DGKI: variants seen among roughly 807,000 people sequenced by gnomAD.
DGKI encodes the protein diacylglycerol kinase iota.
Under a neutral mutation model 147.5 loss-of-function variants are expected in DGKI, and 55 were observed. The observed-to-expected ratio is 0.37, with a 90% CI of 0.30 to 0.47. DGKI has a LOEUF of 0.47. DGKI is among the 20% of genes least tolerant of loss of function. DGKI has a pLI of 1.00. For synonymous variants in DGKI, 469 were observed against 477.1 expected (o/e 0.98, Z 0.22); for missense variants, 1,007 against 1,323.8 (o/e 0.76, Z 3.71).
chr7:137,771,327 G>A (rs1218535543), intron 1 of DGKI, among the ~76,000 whole-genome samples: 3 of 152,154 alleles, frequency 2.0e-5, no homozygotes, highest in African/African-American at 7.2e-5. Context: ...CGGACCTCAG[G>A]TGATCCACCC....
At chr7:137,733,064 ATTT>A (rs551938153) in intron 1 of DGKI, among the ~76,000 whole-genome samples, 18 of 147,966 alleles carry the variant, frequency 1.2e-4, no homozygotes, top group African/African-American at 4.4e-4. Context: ...AACCTTTGAA[ATTT>A]TTTTTTTTTG....
chr7:137,742,187 T>C (rs1169101386), intron 1 of DGKI, among the ~76,000 whole-genome samples: 4 of 152,198 alleles, frequency 2.6e-5, no homozygotes, highest in Admixed American at 1.3e-4. Context: ...AAGGCATTTC[T>C]TTGGCTCAGA....
At chr7:137,463,452 G>A (rs1197292088) in intron 27 of DGKI, 37 bp downstream of exon 27, 1 of 1,609,980 alleles carries the variant, frequency 6.2e-7, no homozygotes, top group South Asian at 1.1e-5. Flanking sequence ...AGCAATCACA[G>A]TGGCACAGAG....
intron 30 of DGKI, among the ~76,000 whole-genome samples, chr7:137,399,033 T>C (rs1811654990): frequency 6.8e-6 from 1 of 146,472 alleles, no homozygotes; most frequent in Admixed American, 7.1e-5. Context: ...GCTAAAGTGG[T>C]AATTGCACAC....
intron 30 of DGKI, 51 bp downstream of exon 30, chr7:137,407,824 A>G (rs973294145): frequency 6.3e-7 from 1 of 1,598,434 alleles, no homozygotes; most frequent in Non-Finnish European, 8.5e-7. Flanking sequence ...TGCAAAATGC[A>G]ATGGATTTCA....
intron 21 of DGKI, among the ~76,000 whole-genome samples, chr7:137,500,403 T>C (rs1302238408): frequency 6.6e-6 from 1 of 152,196 alleles, no homozygotes; most frequent in Non-Finnish European, 1.5e-5. Flanking sequence ...TCTTCTATAC[T>C]TGAAGTTAGA....
At chr7:137,635,905 T>A (rs1318390307) in intron 6 of DGKI, among the ~76,000 whole-genome samples, 2 of 152,148 alleles carry the variant, frequency 1.3e-5, no homozygotes, top group African/African-American at 4.8e-5. Flanking sequence ...AGGGTCTAAA[T>A]CCCATGACGG....
intron 2 of DGKI, among the ~76,000 whole-genome samples, chr7:137,683,840 G>C (rs1269683822): frequency 2.6e-5 from 2 of 76,408 alleles, no homozygotes; most frequent in African/African-American, 7.2e-5. Context: ...ATTCATCTAA[G>C]AGTGGAGATT....
At chr7:137,472,065 CAT>C (rs1226410406) in intron 23 of DGKI, among the ~76,000 whole-genome samples, 14 of 125,416 alleles carry the variant, frequency 1.1e-4, no homozygotes, top group East Asian at 2.3e-4. Context: ...TATATACATA[CAT>C]ATATATTATG....
At chr7:137,527,534 C>T (rs1817193965) in intron 20 of DGKI, among the ~76,000 whole-genome samples, 1 of 152,140 alleles carries the variant, frequency 6.6e-6, no homozygotes, top group Non-Finnish European at 1.5e-5. Context: ...TAAATCTTAA[C>T]TCATGTTGAG....
chr7:137,745,150 G>A (rs777449810), intron 1 of DGKI, among the ~76,000 whole-genome samples: 11 of 152,084 alleles, frequency 7.2e-5, no homozygotes, highest in East Asian at 3.8e-4. Context: ...AAAAACATCC[G>A]TTTGTGGGTT....
At chr7:137,681,669 A>G (rs1823240177) in intron 2 of DGKI, among the ~76,000 whole-genome samples, 2 of 152,290 alleles carry the variant, frequency 1.3e-5, no homozygotes, top group Non-Finnish European at 1.5e-5. Flanking sequence ...ACAGCAGCCA[A>G]TATGAGGGAA....
At chr7:137,554,150 G>A (rs1818142975) in intron 19 of DGKI, among the ~76,000 whole-genome samples, 1 of 152,220 alleles carries the variant, frequency 6.6e-6, no homozygotes, top group African/African-American at 2.4e-5. Flanking sequence ...ACAAGAGGAA[G>A]TACTGTAATT....
rs1252897399 is a variant in DGKI, at chr7:137,389,359, G to A, written c.*1861C>T. The A allele has an allele frequency of 3.9e-5, 6 of 152,078 alleles. No homozygotes were observed. Among genetic ancestry groups the A allele is most frequent in the African/African-American group, 1.4e-4 (6 of 41,390 alleles). The allele number at this position is 152,078 out of a possible 1,614,324, so 9.4% of individuals were successfully genotyped here. A position where few individuals can be genotyped will look rare whatever the true frequency, so the allele number is the denominator to read the frequency against. ...TTTGAAATGACTATGGAAAGACTGT[G>A]GTAATAAAATCCCCATCCACTGAAA... On this transcript the variant is annotated 3_prime_UTR_variant, in exon 33 of 33. Coordinates refer to ENST00000614521, the MANE Select transcript of DGKI (RefSeq NM_001321708.2).
intron 12 of DGKI, among the ~76,000 whole-genome samples, chr7:137,592,584 G>A (rs897103733): frequency 1.3e-5 from 2 of 152,184 alleles, no homozygotes; most frequent in Non-Finnish European, 2.9e-5. Flanking sequence ...ACAGCAAACT[G>A]ATATTTTCTT....
chr7:137,469,892 GACATTT>G (rs1435598635), intron 23 of DGKI, among the ~76,000 whole-genome samples: 1 of 151,990 alleles, frequency 6.6e-6, no homozygotes, highest in East Asian at 1.9e-4. Flanking sequence ...TCTAATTTAG[GACATTT>G]ACTTCCTTAT....
chr7:137,811,623 C>A (rs183291059), intron 1 of DGKI, among the ~76,000 whole-genome samples: 3 of 152,272 alleles, frequency 2.0e-5, no homozygotes, highest in Admixed American at 2.0e-4. Flanking sequence ...GCAGCATCCC[C>A]TGATTGATCA....
At chr7:137,800,926 T>C (rs1227666601) in intron 1 of DGKI, among the ~76,000 whole-genome samples, 2 of 152,224 alleles carry the variant, frequency 1.3e-5, no homozygotes, top group African/African-American at 2.4e-5. Context: ...TAATCCACCA[T>C]TCTGTAGAAT....
intron 1 of DGKI, among the ~76,000 whole-genome samples, chr7:137,793,521 G>A (rs1420660311): frequency 6.6e-6 from 1 of 152,068 alleles, no homozygotes. Context: ...GGCTGGTCTT[G>A]AACTCCTGAC....
Sources: allele counts gnomAD v4.1 joint callset (sites outside exome capture counted in the v4.1 genomes callset), GRCh38; gene constraint gnomAD v4.1.1; transcripts MANE v1.5; gene names NCBI Gene and HGNC (gene_info 2026-07-23, HGNC 2026-07-21).